The following FANCC variants were observed in gnomAD, a reference collection of about 807,000 sequenced individuals.
The protein encoded by FANCC is Fanconi anemia group C protein.
FANCC carries 55 observed loss-of-function variants against 71.3 expected under a neutral mutation model. The ratio of observed to expected loss-of-function variants is 0.77; its 90% CI spans 0.62 to 0.97. The LOEUF (loss-of-function observed/expected upper bound fraction) is 0.97, where lower values mean the gene tolerates loss of function less well. Ranked by LOEUF, FANCC falls within the 50% of genes least tolerant of loss-of-function variation. The pLI, the probability that FANCC is intolerant of heterozygous loss-of-function variation, is 0.00. For synonymous variants in FANCC, 275 were observed against 244.9 expected, an observed-to-expected ratio of 1.12 and a Z score of -1.15; for missense variants, 678 against 670.9, an observed-to-expected ratio of 1.01 and a Z score of -0.12.
At chr9:95,267,085 T>C (rs1232683561) in intron 1 of FANCC, among the ~76,000 whole-genome samples, 2 of 151,960 alleles carry the variant, frequency 1.3e-5, no homozygotes, top group African/African-American at 2.4e-5. Flanking sequence ...GACAAAACCA[T>C]GAGCAGCCAG....
chr9:95,111,327 T>A, intron 13 of FANCC, 136 bp downstream of exon 13: 1 of 1,597,080 alleles, frequency 6.3e-7, no homozygotes, highest in South Asian at 1.1e-5. Context: ...TGCCTGCAGG[T>A]TGCCATGACA....
chr9:95,101,525 G>A lies in FANCC; in HGVS notation c.*182C>T. 4.1e-6 allele frequency: 3 copies of A among 732,646 alleles called. No individual in the cohort carries two copies. Among genetic ancestry groups the A allele is most frequent in the Non-Finnish European group, 2.3e-6 (1 of 439,806 alleles). 45.4% of individuals were successfully genotyped at this position (732,646 alleles called of 1,614,324 possible). A position where few individuals can be genotyped will look rare whatever the true frequency, so the allele number is the denominator to read the frequency against. On this transcript the variant is annotated 3_prime_UTR_variant, in exon 15 of 15. Transcript: ENST00000289081. ...CATGTCTGACTGAGTCTGGGCTGAGGGACCTGGCTCTGCATTTTGTAAAAT... is the reference window on the plus strand; with the variant it reads ...CATGTCTGACTGAGTCTGGGCTGAGAGACCTGGCTCTGCATTTTGTAAAAT...
In FANCC at chr9:95,302,081, C is replaced by CAAAAAAAAAAAA. The variant is rs375479917; in HGVS notation, c.-79+15433_-79+15444dup. ...TGGGAGACAGAGTGAGACTCCATCT[C>CAAAAAAAAAAAA]AAAAAAAAAAAAAAAACAAAGAAAA... On this transcript the variant is annotated intron_variant, in intron 1 of 14. Transcript: ENST00000289081. 9.1e-5 allele frequency among the ~76,000 whole-genome samples: 9 copies of CAAAAAAAAAAAA among 98,968 alleles called. No homozygotes were observed. In the East Asian group the frequency reaches 2.0e-3, roughly 22 times the overall value. The allele number at this position is 98,968 out of a possible 152,430, so 64.9% of individuals were successfully genotyped here. A position where few individuals can be genotyped will look rare whatever the true frequency, so the allele number is the denominator to read the frequency against.
At position 95,111,482 on chromosome 9, in the gene FANCC, T is replaced by C. The variant is rs912537449; in HGVS notation, c.1310A>G (p.Gln437Arg). 3.7e-6 allele frequency: 6 copies of C among 1,613,544 alleles called. No individual in the cohort carries two copies. Among genetic ancestry groups the C allele is most frequent in the African/African-American group, 2.7e-5 (2 of 74,928 alleles). Residue 437 changes from glutamine to arginine, a missense_variant, in exon 13 of 15, where the codon CAG (glutamine) becomes CGG (arginine). Gln to Arg is a conservative substitution (Grantham distance 43). Coordinates refer to ENST00000289081, the MANE Select transcript of FANCC (RefSeq NM_000136.3). Reference protein sequence around the residue: ...AFYYGPRDGRQQRAQTMVQVK... With the variant: ...AFYYGPRDGRRQRAQTMVQVK... Reference sequence around the variant, plus strand: ...ACCCACCATAGTCTGTGCTCTCTGCTGCCTCCCATCACGGGGGCCGTAGTA... The same window carrying C: ...ACCCACCATAGTCTGTGCTCTCTGCCGCCTCCCATCACGGGGGCCGTAGTA...
At chr9:95,158,688 T>C (rs1830578117) in intron 6 of FANCC, among the ~76,000 whole-genome samples, 1 of 152,250 alleles carries the variant, frequency 6.6e-6, no homozygotes. Context: ...TTATGGGAAC[T>C]GCTTCTAAAG....
At chr9:95,107,009 C>G (rs536981172) in intron 14 of FANCC, 57 bp downstream of exon 14, 2 of 1,565,032 alleles carry the variant, frequency 1.3e-6, no homozygotes, top group African/African-American at 2.7e-5. Flanking sequence ...ACAGGTAACC[C>G]ACCTCTCGCC....
chr9:95,300,552 G>T (rs1168152237), intron 1 of FANCC, among the ~76,000 whole-genome samples: 1 of 151,802 alleles, frequency 6.6e-6, no homozygotes, highest in Non-Finnish European at 1.5e-5. Context: ...CTGGGTTCAA[G>T]CAATTCTCTT....
chr9:95,189,554 C>CA (rs946249603), intron 4 of FANCC, among the ~76,000 whole-genome samples: 1 of 152,076 alleles, frequency 6.6e-6, no homozygotes, highest in African/African-American at 2.4e-5. Flanking sequence ...GTAGGCTTCC[C>CA]AAAAACCAAA....
intron 14 of FANCC, among the ~76,000 whole-genome samples, chr9:95,105,380 G>T (rs1473954060): frequency 6.6e-6 from 1 of 152,162 alleles, no homozygotes; most frequent in East Asian, 1.9e-4. Flanking sequence ...CACAGGTGTT[G>T]TTGGTTTGTG....
intron 3 of FANCC, among the ~76,000 whole-genome samples, chr9:95,241,228 T>C (rs1044129283): frequency 1.3e-5 from 2 of 152,266 alleles, no homozygotes; most frequent in African/African-American, 2.4e-5. Context: ...TTTAATTTTT[T>C]AATTTGCCAA....
chr9:95,244,830 A>G (rs1329003012), intron 3 of FANCC, among the ~76,000 whole-genome samples: 1 of 152,110 alleles, frequency 6.6e-6, no homozygotes, highest in South Asian at 2.1e-4. Context: ...GGGACAGAAC[A>G]TTACAGAAGG....
chr9:95,300,979 T>C (rs2136360177), intron 1 of FANCC, among the ~76,000 whole-genome samples: 1 of 152,082 alleles, frequency 6.6e-6, no homozygotes, highest in South Asian at 2.1e-4. Flanking sequence ...GAAGAACAAA[T>C]ACAGCATGAG....
intron 10 of FANCC, chr9:95,123,187 C>G (rs1825348992): frequency 5.4e-6 from 1 of 185,824 alleles, no homozygotes; most frequent in African/African-American, 2.4e-5. Context: ...CCTGTGGTCC[C>G]AACTACTTGG....
chr9:95,228,553 T>C (rs1194938223), intron 4 of FANCC, among the ~76,000 whole-genome samples: 1 of 152,218 alleles, frequency 6.6e-6, no homozygotes, highest in Non-Finnish European at 1.5e-5. Context: ...TATCCTAGCC[T>C]GTACAAGAAG....
At chr9:95,314,299 A>T (rs1835599451) in intron 1 of FANCC, among the ~76,000 whole-genome samples, 4 of 152,268 alleles carry the variant, frequency 2.6e-5, no homozygotes, top group Non-Finnish European at 4.4e-5. Context: ...ATGAAATTTT[A>T]AAAATAATTC....
intron 7 of FANCC, among the ~76,000 whole-genome samples, chr9:95,148,486 C>G (rs534327753): frequency 6.6e-6 from 1 of 152,258 alleles, no homozygotes; most frequent in Non-Finnish European, 1.5e-5. Flanking sequence ...GTGTTTGTAG[C>G]CCATGATAAA....
chr9:95,128,100 G>C (rs1564669792), intron 8 of FANCC, among the ~76,000 whole-genome samples: 1 of 152,182 alleles, frequency 6.6e-6, no homozygotes, highest in Non-Finnish European at 1.5e-5. Flanking sequence ...TTATTTCGTG[G>C]CTTCGAACTT....
At chr9:95,265,797 T>A (rs1832350272) in intron 1 of FANCC, among the ~76,000 whole-genome samples, 1 of 152,250 alleles carries the variant, frequency 6.6e-6, no homozygotes, top group Non-Finnish European at 1.5e-5. Flanking sequence ...TAGGAGCCTA[T>A]TTTATGACAA....
chr9:95,187,693 G>A (rs1826815127), intron 4 of FANCC, among the ~76,000 whole-genome samples: 1 of 151,910 alleles, frequency 6.6e-6, no homozygotes, highest in Non-Finnish European at 1.5e-5. Context: ...TAGCTCAAAT[G>A]CTGTGTGTCT....
Sources: gnomAD v4.1 joint callset for allele counts (sites outside exome capture counted in the v4.1 genomes callset) on GRCh38, gnomAD v4.1.1 for gene constraint, MANE v1.5 for transcripts, NCBI Gene and HGNC (gene_info 2026-07-23, HGNC 2026-07-21) for gene names.